Variants in RORB observed in about 807,000 individuals in gnomAD.
RORB encodes the protein RAR related orphan receptor B.
RORB carries 6 observed loss-of-function variants against 59.1 expected under a neutral mutation model. The observed-to-expected ratio is 0.10, with a 90% CI of 0.06 to 0.20. The LOEUF (loss-of-function observed/expected upper bound fraction) is 0.20. Among genes scored for constraint, RORB ranks in the 10% least tolerant of loss-of-function variants. The pLI is 1.00. For synonymous variants in RORB, 215 were observed against 204.5 expected (o/e 1.05, Z -0.44); for missense variants, 320 against 560.5 (o/e 0.57, Z 4.33).
At chr9:74,684,412 T>C (rs1446654744) in intron 9 of RORB, among the ~76,000 whole-genome samples, 1 of 152,150 alleles carries the variant, frequency 6.6e-6, no homozygotes, top group Admixed American at 6.5e-5. Flanking sequence ...TGAGCTATCA[T>C]GCCTATCTTT....
chr9:74,641,478 C>T (rs1227597545), intron 3 of RORB, among the ~76,000 whole-genome samples: 1 of 152,146 alleles, frequency 6.6e-6, no homozygotes, highest in Non-Finnish European at 1.5e-5. Flanking sequence ...TTGGATGCCC[C>T]AAATTGCTAT....
chr9:74,610,225 T>C (rs1283522101), intron 1 of RORB, among the ~76,000 whole-genome samples: 2 of 152,228 alleles, frequency 1.3e-5, no homozygotes, highest in Non-Finnish European at 2.9e-5. Flanking sequence ...AATGCCTGGT[T>C]TCACTTCCCA....
chr9:74,637,970 G>A (rs943848189), intron 3 of RORB, among the ~76,000 whole-genome samples: 1 of 152,100 alleles, frequency 6.6e-6, no homozygotes, highest in African/African-American at 2.4e-5. Context: ...GGAAGGAGAA[G>A]AGAGAGATTT....
At chr9:74,615,566 A>G (rs539965389) in intron 1 of RORB, 3 of 451,894 alleles carry the variant, frequency 6.6e-6, no homozygotes, top group South Asian at 4.7e-5. Flanking sequence ...AAAGTATCAT[A>G]TTTTTCAGTT....
At chr9:74,538,379 T>G (rs190707195) in intron 1 of RORB, among the ~76,000 whole-genome samples, 1 of 152,134 alleles carries the variant, frequency 6.6e-6, no homozygotes, top group East Asian at 1.9e-4. Context: ...ATAAAGAAAT[T>G]TATTTGGTTT....
At chr9:74,546,458 T>TAG (rs981096274) in intron 1 of RORB, among the ~76,000 whole-genome samples, 1 of 151,238 alleles carries the variant, frequency 6.6e-6, no homozygotes, top group African/African-American at 2.4e-5. Flanking sequence ...AAAGCTAGTG[T>TAG]AGAACACTGT....
chr9:74,624,512 A>T (rs1374164843), intron 1 of RORB, among the ~76,000 whole-genome samples: 1 of 152,076 alleles, frequency 6.6e-6, no homozygotes, highest in Non-Finnish European at 1.5e-5. Flanking sequence ...TCCTCTGAGG[A>T]TCTTATTTTT....
chr9:74,668,992 A>G (rs1824309283), intron 8 of RORB, among the ~76,000 whole-genome samples: 1 of 152,212 alleles, frequency 6.6e-6, no homozygotes, highest in Non-Finnish European at 1.5e-5. Flanking sequence ...GTGACCAAGT[A>G]TCTGTGTGAT....
At chr9:74,552,748 G>A (rs545605191) in intron 1 of RORB, among the ~76,000 whole-genome samples, 1 of 152,104 alleles carries the variant, frequency 6.6e-6, no homozygotes, top group East Asian at 1.9e-4. Flanking sequence ...CTCAGTATAA[G>A]GCGGTCAATG....
At chr9:74,684,708 C>T (rs985853832) in intron 9 of RORB, among the ~76,000 whole-genome samples, 3 of 152,052 alleles carry the variant, frequency 2.0e-5, no homozygotes, top group African/African-American at 7.2e-5. Context: ...TTTAGAACAC[C>T]TTCCTAAGGA....
chr9:74,593,561 A>G (rs1433735126), intron 1 of RORB, among the ~76,000 whole-genome samples: 1 of 151,884 alleles, frequency 6.6e-6, no homozygotes, highest in Non-Finnish European at 1.5e-5. Flanking sequence ...CTCTTCCATG[A>G]TGTAAAATCA....
chr9:74,592,905 G>C (rs1822920941), intron 1 of RORB, among the ~76,000 whole-genome samples: 1 of 151,958 alleles, frequency 6.6e-6, no homozygotes. Flanking sequence ...CAGGGGTGAG[G>C]AGAGCTAGGG....
chr9:74,609,217 T>C (rs1406155316), intron 1 of RORB, among the ~76,000 whole-genome samples: 2 of 152,242 alleles, frequency 1.3e-5, no homozygotes, highest in Non-Finnish European at 2.9e-5. Flanking sequence ...AGTAATTATT[T>C]TTCCTAATTT....
chr9:74,574,806 CT>C (rs1390274337), intron 1 of RORB, among the ~76,000 whole-genome samples: 1 of 152,052 alleles, frequency 6.6e-6, no homozygotes, highest in East Asian at 1.9e-4. Context: ...TCTTAAAATT[CT>C]AGTGACTTCT....
chr9:74,602,963 A>G (rs10746961), intron 1 of RORB, among the ~76,000 whole-genome samples: 145,911 of 152,240 alleles, frequency 0.96, 70,239 homozygotes, highest in East Asian at 1. Context: ...TAACTAGCTA[A>G]TGTAAACGAG....
chr9:74,683,377 T>C (rs934541700), intron 9 of RORB, among the ~76,000 whole-genome samples: 1 of 152,192 alleles, frequency 6.6e-6, no homozygotes, highest in Non-Finnish European at 1.5e-5. Flanking sequence ...TATGAAAATA[T>C]AGAAAAGACA....
chr9:74,517,043 C>T (rs1370198476), intron 1 of RORB, among the ~76,000 whole-genome samples: 2 of 151,918 alleles, frequency 1.3e-5, no homozygotes, highest in Non-Finnish European at 2.9e-5. Context: ...TCATACTTTA[C>T]ACATAACTTT....
chr9:74,558,098 T>C (rs886705683), intron 1 of RORB, among the ~76,000 whole-genome samples: 1 of 152,218 alleles, frequency 6.6e-6, no homozygotes, highest in Non-Finnish European at 1.5e-5. Context: ...TTTTCATTAA[T>C]ATTTACTTTA....
At chr9:74,676,667 AGAG>A (rs1824447658) in intron 9 of RORB, among the ~76,000 whole-genome samples, 1 of 152,228 alleles carries the variant, frequency 6.6e-6, no homozygotes, top group African/African-American at 2.4e-5. Flanking sequence ...CCTAGGATGT[AGAG>A]GAGTCTATAG....
Sources: gnomAD v4.1 joint callset for allele counts (sites outside exome capture counted in the v4.1 genomes callset) on GRCh38, gnomAD v4.1.1 for gene constraint, MANE v1.5 for transcripts, NCBI Gene and HGNC (gene_info 2026-07-23, HGNC 2026-07-21) for gene names.